Variants in SRGAP3 observed in about 807,000 individuals in gnomAD.
SRGAP3 encodes the protein SLIT-ROBO Rho GTPase activating protein 3.
Under a neutral mutation model 121.1 loss-of-function variants are expected in SRGAP3, and 39 were observed. The observed-to-expected ratio is 0.32, with a 90% CI of 0.25 to 0.42. The LOEUF (loss-of-function observed/expected upper bound fraction) is 0.42. Ranked by LOEUF, SRGAP3 falls within the 10% of genes least tolerant of loss-of-function variation. SRGAP3 has a pLI of 1.00. For synonymous variants in SRGAP3, 601 were observed against 570.0 expected (o/e 1.05, Z -0.77); for missense variants, 1,213 against 1,470.6 (o/e 0.82, Z 2.86).
At chr3:9,086,797 C>CAT (rs1452077546) in intron 3 of SRGAP3, among the ~76,000 whole-genome samples, 1 of 147,312 alleles carries the variant, frequency 6.8e-6, no homozygotes, top group African/African-American at 2.5e-5. Context: ...ATATGTATTA[C>CAT]ATATACATAT....
intron 18 of SRGAP3, among the ~76,000 whole-genome samples, chr3:9,000,377 GC>G (rs1043748378): frequency 3.3e-5 from 5 of 152,202 alleles, no homozygotes; most frequent in African/African-American, 1.2e-4. Flanking sequence ...ATCTCTGGCT[GC>G]CCCTCCACAA....
intron 1 of SRGAP3, among the ~76,000 whole-genome samples, chr3:9,339,871 T>C (rs1470022322): frequency 6.6e-6 from 1 of 152,136 alleles, no homozygotes; most frequent in Non-Finnish European, 1.5e-5. Flanking sequence ...CTTATTTCAC[T>C]CCAGCTTGGT....
At chr3:9,210,411 G>A (rs953477053) in intron 1 of SRGAP3, among the ~76,000 whole-genome samples, 9 of 152,054 alleles carry the variant, frequency 5.9e-5, no homozygotes, top group African/African-American at 2.2e-4. Context: ...CGCTTGAGCC[G>A]AGGAATTTGA....
At chr3:9,321,050 C>T (rs1313209989) in intron 3 of SRGAP3, among the ~76,000 whole-genome samples, 1 of 149,918 alleles carries the variant, frequency 6.7e-6, no homozygotes, top group Non-Finnish European at 1.5e-5. Context: ...TTTGTTACTT[C>T]TACTTGCCTC....
intron 1 of SRGAP3, among the ~76,000 whole-genome samples, chr3:9,196,211 G>A (rs1025873190): frequency 6.6e-6 from 1 of 152,300 alleles, no homozygotes; most frequent in East Asian, 1.9e-4. Flanking sequence ...CCAGCGGGGC[G>A]GGGTTTTCCT....
chr3:9,339,810 G>A (rs1439704246), intron 1 of SRGAP3, among the ~76,000 whole-genome samples: 1 of 152,176 alleles, frequency 6.6e-6, no homozygotes, highest in East Asian at 1.9e-4. Context: ...CCAGTTTTCA[G>A]TACTCTCTGG....
At chr3:9,241,552 C>T (rs755106588) in intron 1 of SRGAP3, among the ~76,000 whole-genome samples, 17 of 152,186 alleles carry the variant, frequency 1.1e-4, no homozygotes, top group African/African-American at 2.9e-4. Flanking sequence ...GCAAGGAAAT[C>T]GAGCAAACCA....
Position 9,344,283 on chromosome 3 carries a change from C to T in SRGAP3, n.215-13687G>A, listed in dbSNP as rs145093152. Among the ~76,000 whole-genome samples the T allele has an allele frequency of 3.3e-4, 50 of 152,152 alleles. 1 individual carries two copies. In the East Asian group the frequency reaches 9.1e-3, roughly 28 times the overall value. On this transcript the variant is annotated intron_variant and non_coding_transcript_variant, in intron 1 of 3. Transcript: ENST00000490889. ...CAGCCTGGCCAACATGGTGAAAATC[C>T]GTCTCTACTAAAAATACAAAAATTA...
intron 1 of SRGAP3, among the ~76,000 whole-genome samples, chr3:9,350,539 G>C (rs755469655): frequency 3.3e-5 from 5 of 152,250 alleles, no homozygotes; most frequent in African/African-American, 1.2e-4. Flanking sequence ...GAGGGTCCCA[G>C]TACAATGGGT....
At chr3:9,052,911 T>G in intron 9 of SRGAP3, 116 bp downstream of exon 9, 1 of 1,254,888 alleles carries the variant, frequency 8.0e-7, no homozygotes, top group South Asian at 1.2e-5. Flanking sequence ...TGATGGAGTC[T>G]TAGATCCAAT....
chr3:9,061,306 C>A (rs982041507), intron 5 of SRGAP3, among the ~76,000 whole-genome samples: 1 of 152,160 alleles, frequency 6.6e-6, no homozygotes, highest in African/African-American at 2.4e-5. Context: ...ACCTGAGAAG[C>A]CCTCCATGGC....
At chr3:9,195,943 A>T (rs1951902146) in intron 1 of SRGAP3, among the ~76,000 whole-genome samples, 1 of 152,156 alleles carries the variant, frequency 6.6e-6, no homozygotes, top group African/African-American at 2.4e-5. Context: ...GTGATAGAGC[A>T]AGACCCTGTC....
chr3:9,055,194 C>G (rs1211470174), intron 8 of SRGAP3, among the ~76,000 whole-genome samples: 1 of 152,232 alleles, frequency 6.6e-6, no homozygotes, highest in Non-Finnish European at 1.5e-5. Context: ...TTGCTATCAT[C>G]CTGAGCTCCA....
chr3:9,286,984 C>CTTT (rs1433896598), intron 3 of SRGAP3, among the ~76,000 whole-genome samples: 19 of 103,178 alleles, frequency 1.8e-4, no homozygotes, highest in South Asian at 3.5e-4. Context: ...CACACTGACA[C>CTTT]TCTTTTTTTT....
chr3:9,242,358 C>T (rs557513377), intron 1 of SRGAP3, among the ~76,000 whole-genome samples: 24 of 152,276 alleles, frequency 1.6e-4, no homozygotes, highest in Middle Eastern at 3.4e-3. Context: ...AAGCTGAAGC[C>T]GCACAGCGGC....
intron 1 of SRGAP3, among the ~76,000 whole-genome samples, chr3:9,171,501 T>C (rs1575181272): frequency 6.6e-6 from 1 of 152,216 alleles, no homozygotes; most frequent in African/African-American, 2.4e-5. Flanking sequence ...TGAAGCCCTA[T>C]AAAAATAAGT....
intron 3 of SRGAP3, among the ~76,000 whole-genome samples, chr3:9,283,516 G>A (rs1428268817): frequency 6.6e-6 from 1 of 152,160 alleles, no homozygotes; most frequent in East Asian, 1.9e-4. Flanking sequence ...GTATTGGGAA[G>A]CTGTCAGGCT....
intron 1 of SRGAP3, among the ~76,000 whole-genome samples, chr3:9,214,251 T>C (rs756533753): frequency 1.3e-5 from 2 of 152,172 alleles, no homozygotes; most frequent in Non-Finnish European, 2.9e-5. Context: ...ATAATTATAA[T>C]TGCAAGACCC....
intron 2 of SRGAP3, among the ~76,000 whole-genome samples, chr3:9,328,033 G>A (rs571862437): frequency 6.6e-6 from 1 of 152,218 alleles, no homozygotes; most frequent in African/African-American, 2.4e-5. Context: ...ATTTTCAAAA[G>A]TCAAAGCAGT....
Sources: allele counts gnomAD v4.1 joint callset (sites outside exome capture counted in the v4.1 genomes callset), GRCh38; gene constraint gnomAD v4.1.1; transcripts MANE v1.5; gene names NCBI Gene and HGNC (gene_info 2026-07-23, HGNC 2026-07-21).